Variants in SCN4A observed in about 807,000 individuals in gnomAD.
SCN4A encodes the protein sodium channel protein type 4 subunit alpha.
In SCN4A, 83 loss-of-function variants were observed where a neutral mutation model predicts 162.0. That is an observed-to-expected ratio of 0.51 (90% CI 0.43 to 0.61). The LOEUF (loss-of-function observed/expected upper bound fraction) is 0.61. Ranked by LOEUF, SCN4A falls within the 20% of genes least tolerant of loss-of-function variation. The probability of loss-of-function intolerance (pLI) is 0.00; values close to 1 mark genes in which losing one functional copy is unlikely to be tolerated. For synonymous variants in SCN4A, 944 were observed against 985.1 expected (o/e 0.96, Z 0.78); for missense variants, 2,196 against 2,462.5 (o/e 0.89, Z 2.29).
chr17:63,966,181 C>G lies in SCN4A; in HGVS notation c.1163G>C (p.Ser388Thr). 2 of 1,599,202 alleles carry G rather than the reference C, an allele frequency of 1.3e-6. No individual in the cohort carries two copies. The highest frequency in any genetic ancestry group is 1.7e-6 in the Non-Finnish European group (2 of 1,173,118). ...GAAGGCCCAGCTGAAGGTGTCATAG[C>G]TGGTGTAGCCATAGTTGGGGTTCCG... is the stretch of plus-strand genomic sequence containing the variant. ...TGRNPNYGYTSYDTFSWAFLA... is the reference protein window; with the variant it reads ...TGRNPNYGYTTYDTFSWAFLA... Residue 388 changes from serine to threonine, a missense_variant, in exon 8 of 24, where the codon AGC (serine) becomes ACC (threonine). Ser to Thr is a moderately conservative substitution (Grantham distance 58). Transcript: ENST00000435607.
intron 8 of SCN4A, among the ~76,000 whole-genome samples, chr17:63,965,255 G>C (rs1044635985): frequency 2.6e-5 from 4 of 152,104 alleles, no homozygotes; most frequent in Non-Finnish European, 5.9e-5. Flanking sequence ...TGCTGGCCAG[G>C]CTGGTCTCAA....
Position 63,972,462 on chromosome 17 carries a change from G to T in SCN4A, c.282C>A (p.Ile94=). ...AGATGGCCTTGCCCTTGTTGAGTACGATGAAGGTCTAAGGTGGGAGAGAGG... is the reference window on the plus strand; with the variant it reads ...AGATGGCCTTGCCCTTGTTGAGTACTATGAAGGTCTAAGGTGGGAGAGAGG... ...DPYYSNKKTF[I]VLNKGKAIFR... is the part of the protein sequence containing the mutation. The change falls in exon 2 of 24, where the codon ATC becomes ATA. Residue 94 remains isoleucine (I), a synonymous_variant. Transcript: ENST00000435607. This position sits in a 1 kb window ranked among gnomAD's most constrained non-coding sequence, Gnocchi z 4.3. 3 of 1,613,730 alleles carry T rather than the reference G, an allele frequency of 1.9e-6. No homozygotes were observed. Among genetic ancestry groups the T allele is most frequent in the Non-Finnish European group, 2.5e-6 (3 of 1,179,744 alleles).
intron 10 of SCN4A, 72 bp from the exon 11 acceptor site, chr17:63,961,503 T>C (rs1463088179): frequency 8.8e-7 from 1 of 1,134,636 alleles, no homozygotes; most frequent in South Asian, 1.3e-5. Flanking sequence ...AGCTAGAGCT[T>C]TTGTTCCACC....
chr17:63,971,959 G>T, intron 3 of SCN4A, 109 bp from the exon 4 acceptor site: 1 of 1,287,012 alleles, frequency 7.8e-7, no homozygotes, highest in Non-Finnish European at 1.1e-6. Flanking sequence ...ATGCCACTCA[G>T]GTGGCTAAGG....
In SCN4A at chr17:63,951,354, G is replaced by A. The variant is rs1046093856; in HGVS notation, c.2853+70C>T. On this transcript the variant is annotated intron_variant, in intron 14 of 23. Coordinates refer to ENST00000435607, the MANE Select transcript of SCN4A (RefSeq NM_000334.4). The surrounding 1 kb of genome is among the most constrained non-coding windows in gnomAD (Gnocchi z 4.5). ...GCTGGAGAAACTGAGGCTCAGAGAG[G>A]ACTTAGGGCTTGCTCCAGGTCACAG... 9 of 1,068,544 alleles carry A rather than the reference G, an allele frequency of 8.4e-6. No homozygotes were observed. The highest frequency in any genetic ancestry group is 1.6e-5 in the South Asian group (1 of 62,896). 66.2% of individuals were successfully genotyped at this position (1,068,544 alleles called of 1,614,324 possible).
intron 5 of SCN4A, among the ~76,000 whole-genome samples, chr17:63,970,150 T>C (rs1489254303): frequency 1.3e-5 from 2 of 152,240 alleles, no homozygotes; most frequent in Non-Finnish European, 2.9e-5. Context: ...AGCAGGTGCC[T>C]GGTGTGTTCC....
rs368263593 is a variant in SCN4A, at chr17:63,947,870, G to A, written c.3318+20C>T. On this transcript the variant is annotated intron_variant, in intron 17 of 23. Coordinates refer to ENST00000435607, the MANE Select transcript of SCN4A (RefSeq NM_000334.4). Reference sequence around the variant, plus strand: ...GACAGCCTCTGGATGTAGCTACGGGGCCAGCGTGGGGGGACTCACATCCAC... The same window carrying A: ...GACAGCCTCTGGATGTAGCTACGGGACCAGCGTGGGGGGACTCACATCCAC... The A allele has an allele frequency of 8.7e-6, 14 of 1,611,320 alleles. No individual in the cohort carries two copies. Among genetic ancestry groups the A allele is most frequent in the South Asian group, 5.5e-5 (5 of 90,916 alleles).
intron 22 of SCN4A, 143 bp from the exon 23 acceptor site, chr17:63,943,239 A>C: frequency 2.0e-6 from 2 of 1,010,514 alleles, no homozygotes; most frequent in Non-Finnish European, 2.9e-6. Context: ...AGAGAGAGAA[A>C]GGAGGTGTTG....
intron 18 of SCN4A, among the ~76,000 whole-genome samples, chr17:63,946,469 C>CG (rs1491407058): frequency 1.6e-5 from 2 of 128,338 alleles, no homozygotes; most frequent in Admixed American, 7.2e-5. Context: ...CTTGCCCCCC[C>CG]CCCCACCCCG....
At position 63,944,203 on chromosome 17, in the gene SCN4A, G is replaced by A. The variant is rs142907991; in HGVS notation, c.3913-353C>T. 0.014 allele frequency among the ~76,000 whole-genome samples: 2,088 copies of A among 152,082 alleles called. 51 individuals carry two copies. The highest frequency in any genetic ancestry group is 0.047 in the African/African-American group (1,948 of 41,456). ...TCACCAGGCTGGAGTGCAGTGGCGCGATCTTGGCCCACTGCAACCTCCATC... is the reference window on the plus strand; with the variant it reads ...TCACCAGGCTGGAGTGCAGTGGCGCAATCTTGGCCCACTGCAACCTCCATC... On this transcript the variant is annotated intron_variant, in intron 21 of 23. Transcript: ENST00000435607. The surrounding 1 kb of genome is among the most constrained non-coding windows in gnomAD (Gnocchi z 4.3).
rs753391449 is a variant in SCN4A at position 63,963,719 on chromosome 17, G to T, written c.1559C>A (p.Pro520Gln). 1 of 1,601,118 alleles carries T rather than the reference G, an allele frequency of 6.2e-7. No homozygotes were observed. ...GCTGTCTCCGCTGCTGCTCTGCCTC[G>T]GGGCTCCCTTCTCCCCTTGCGATGT... is the stretch of plus-strand genomic sequence containing the variant. ...LDTSQGEKGA[P>Q]RQSSSGDSGI... Residue 520 changes from proline (P) to glutamine (Q), a missense_variant, in exon 10 of 24, where the codon CCG becomes CAG. Pro to Gln is a moderately conservative substitution (Grantham distance 76). Coordinates refer to ENST00000435607, the MANE Select transcript of SCN4A (RefSeq NM_000334.4).
chr17:63,961,295 G>T lies in SCN4A; in HGVS notation c.1743C>A (p.Asp581Glu), dbSNP rs1472543878. The change falls in exon 11 of 24, where the codon GAC (aspartate) becomes GAA (glutamate). Residue 581 changes from aspartate to glutamate, a missense_variant. Coordinates refer to ENST00000435607, the MANE Select transcript of SCN4A (RefSeq NM_000334.4). ...IHLIVMDPFV[D>E]LGITICIVLN... ...GCACGATGCAGATGGTGATGCCCAG[G>T]TCCACGAACGGGTCCATGACGATCA... is the stretch of plus-strand genomic sequence containing the variant. The T allele has an allele frequency of 3.7e-6, 6 of 1,613,504 alleles. No homozygotes were observed. The highest frequency in any genetic ancestry group is 2.2e-5 in the East Asian group (1 of 44,872).
At chr17:63,961,108 T>C (rs1909234701) in intron 11 of SCN4A, 85 bp downstream of exon 11, 1 of 725,604 alleles carries the variant, frequency 1.4e-6, no homozygotes, top group South Asian at 1.5e-5. Context: ...CCGTGCCCTA[T>C]ATTTACATAC....
chr17:63,951,407 C>T lies in SCN4A; in HGVS notation c.2853+17G>A, dbSNP rs1908900993. On this transcript the variant is annotated intron_variant, in intron 14 of 23. Coordinates refer to ENST00000435607, the MANE Select transcript of SCN4A (RefSeq NM_000334.4). The surrounding 1 kb of genome is among the most constrained non-coding windows in gnomAD (Gnocchi z 4.5). Reference sequence around the variant, plus strand: ...GAATTTGAAGCCGGGTCTGTCTGAGCCCCAGCCCCGGCTCACCTTGCTATC... The same window carrying T: ...GAATTTGAAGCCGGGTCTGTCTGAGTCCCAGCCCCGGCTCACCTTGCTATC... The T allele has an allele frequency of 2.6e-6, 4 of 1,543,196 alleles. No individual in the cohort carries two copies. The highest frequency in any genetic ancestry group is 2.3e-5 in the East Asian group (1 of 44,250).
At position 63,948,598 on chromosome 17, in the gene SCN4A, A is replaced by G. The variant is rs1908803315; in HGVS notation, c.3144+13T>C. ...GCCCCTGCCCCTGACCCGTGCTCCC[A>G]GGCAGTGCCTACCAGAGCCCCACTG... On this transcript the variant is annotated intron_variant, in intron 16 of 23. Coordinates refer to ENST00000435607, the MANE Select transcript of SCN4A (RefSeq NM_000334.4). The G allele has an allele frequency of 1.2e-6, 2 of 1,611,184 alleles. No individual in the cohort carries two copies. Among genetic ancestry groups the G allele is most frequent in the Non-Finnish European group, 1.7e-6 (2 of 1,178,262 alleles).
Position 63,941,143 on chromosome 17 carries a change from C to T in SCN4A, c.5139G>A (p.Val1713=), listed in dbSNP as rs1908513936. ...EKFMAANPSK[V]SYEPITTTLK... Reference sequence around the variant, plus strand: ...GGGTGGTGGTGATGGGCTCGTAGGACACCTTGGAGGGGTTGGCTGCCATGA... The same window carrying T: ...GGGTGGTGGTGATGGGCTCGTAGGATACCTTGGAGGGGTTGGCTGCCATGA... The change falls in exon 24 of 24, where the codon GTG becomes GTA. Residue 1713 remains valine (V), a synonymous_variant. Coordinates refer to ENST00000435607, the MANE Select transcript of SCN4A (RefSeq NM_000334.4). This position sits in a 1 kb window ranked among gnomAD's most constrained non-coding sequence, Gnocchi z 6.2. 6.2e-7 allele frequency: 1 copy of T among 1,613,816 alleles called. No individual in the cohort carries two copies. The highest frequency in any genetic ancestry group is 1.3e-5 in the African/African-American group (1 of 74,902).
intron 11 of SCN4A, among the ~76,000 whole-genome samples, chr17:63,959,944 G>C (rs73326348): frequency 0.078 from 11,925 of 152,238 alleles, 1,146 homozygotes; most frequent in African/African-American, 0.23. Context: ...CATCCTGTCT[G>C]TATGCCTACA....
chr17:63,967,970 A>C, intron 6 of SCN4A, 53 bp downstream of exon 6: 12 of 1,414,508 alleles, frequency 8.5e-6, no homozygotes, highest in South Asian at 1.2e-5. Flanking sequence ...GTCAGAGGCT[A>C]CCCTAGGGAC....
In SCN4A at chr17:63,957,426, C is replaced by T. The variant is rs374119331; in HGVS notation, c.2112G>A (p.Thr704=). 21 of 1,613,940 alleles carry T rather than the reference C, an allele frequency of 1.3e-5. No homozygotes were observed. Among genetic ancestry groups the T allele is most frequent in the Middle Eastern group, 1.6e-4 (1 of 6,084 alleles). ...GNSVGALGNL[T]LVLAIIVFIF... is the part of the protein sequence containing the mutation. ...TGAACACGATGATAGCCAGCACCAG[C>T]GTCAGGTTACCCAGCGCCCCCACTG... Residue 704 remains threonine, a synonymous_variant, in exon 13 of 24, where the codon ACG becomes ACA. Transcript: ENST00000435607.
Sources: gnomAD v4.1 joint callset for allele counts (sites outside exome capture counted in the v4.1 genomes callset) on GRCh38, gnomAD v4.1.1 for gene constraint, Gnocchi (gnomAD v3.1) non-coding constraint, MANE v1.5 for transcripts, NCBI Gene and HGNC (gene_info 2026-07-23, HGNC 2026-07-21) for gene names.